Variants in RBFOX1 observed in about 807,000 individuals in gnomAD.
RBFOX1 encodes the protein RNA binding fox-1 homolog 1, also known as RNA binding protein fox-1 homolog 1.
A neutral mutation model predicts 57.7 loss-of-function variants in RBFOX1; 8 were observed. The ratio of observed to expected loss-of-function variants is 0.14; its 90% CI spans 0.08 to 0.25. RBFOX1 has a LOEUF of 0.25. Ranked by LOEUF, RBFOX1 falls within the 10% of genes least tolerant of loss-of-function variation. The pLI, the probability that RBFOX1 is intolerant of heterozygous loss-of-function variation, is 1.00. For synonymous variants in RBFOX1, 326 were observed against 222.4 expected, an observed-to-expected ratio of 1.47 and a Z score of -4.15; for missense variants, 611 against 548.5, an observed-to-expected ratio of 1.11 and a Z score of -1.14.
chr16:7,266,324 C>T (rs755573704), intron 4 of RBFOX1, among the ~76,000 whole-genome samples: 1 of 152,098 alleles, frequency 6.6e-6, no homozygotes, highest in Non-Finnish European at 1.5e-5. Flanking sequence ...CCCACGCTCT[C>T]GCCCTCTTGC....
intron 4 of RBFOX1, among the ~76,000 whole-genome samples, chr16:5,899,883 G>A (rs975861739): frequency 6.6e-6 from 1 of 152,142 alleles, no homozygotes; most frequent in Non-Finnish European, 1.5e-5. Context: ...AGACTAGCCT[G>A]GGCAACATGG....
chr16:6,671,092 C>A (rs2098761848), intron 3 of RBFOX1, among the ~76,000 whole-genome samples: 1 of 152,168 alleles, frequency 6.6e-6, no homozygotes, highest in Non-Finnish European at 1.5e-5. Flanking sequence ...GTATGAACAA[C>A]CAGATAATTA....
chr16:5,330,359 C>T (rs982958806), intron 1 of RBFOX1, among the ~76,000 whole-genome samples: 4 of 151,726 alleles, frequency 2.6e-5, no homozygotes, highest in East Asian at 3.9e-4. Flanking sequence ...TTGGTTTATC[C>T]CCTCTTGCTT....
At chr16:6,141,207 C>T (rs1455667521) in intron 1 of RBFOX1, among the ~76,000 whole-genome samples, 1 of 152,228 alleles carries the variant, frequency 6.6e-6, no homozygotes, top group East Asian at 1.9e-4. Flanking sequence ...GCTTTTGGAG[C>T]ACCTTCTAAA....
chr16:7,227,355 C>G (rs907886956), intron 4 of RBFOX1, among the ~76,000 whole-genome samples: 2 of 149,532 alleles, frequency 1.3e-5, no homozygotes, highest in African/African-American at 4.9e-5. Context: ...TTCCCTGCCC[C>G]CTCTCACTTA....
chr16:5,341,043 G>T (rs1013725058), intron 1 of RBFOX1, among the ~76,000 whole-genome samples: 1 of 152,172 alleles, frequency 6.6e-6, no homozygotes, highest in Non-Finnish European at 1.5e-5. Context: ...CTAGGAAGAA[G>T]AGTATTCTAG....
At chr16:5,799,741 A>G (rs1194008416) in intron 3 of RBFOX1, among the ~76,000 whole-genome samples, 4 of 152,146 alleles carry the variant, frequency 2.6e-5, no homozygotes, top group Non-Finnish European at 4.4e-5. Context: ...AATATTTTCA[A>G]CATACAAGGG....
intron 3 of RBFOX1, among the ~76,000 whole-genome samples, chr16:6,834,045 G>A (rs980457658): frequency 6.9e-6 from 1 of 144,496 alleles, no homozygotes; most frequent in Non-Finnish European, 1.5e-5. Flanking sequence ...GGGGGTACCT[G>A]ATCCAATAAA....
intron 14 of RBFOX1, among the ~76,000 whole-genome samples, chr16:7,688,221 ATGTGTGTGTG>A (rs3029191): frequency 0.24 from 28,880 of 120,892 alleles, 3,749 homozygotes; most frequent in East Asian, 0.4. Context: ...GCAGGTTTAA[ATGTGTGTGTG>A]TGTGTGTGTG....
intron 4 of RBFOX1, among the ~76,000 whole-genome samples, chr16:7,227,065 C>G (rs2093170382): frequency 6.6e-6 from 1 of 152,144 alleles, no homozygotes; most frequent in African/African-American, 2.4e-5. Flanking sequence ...TTTCCCCCAG[C>G]ATTCTTACCT....
At chr16:6,655,728 C>T (rs550148216) in intron 3 of RBFOX1, among the ~76,000 whole-genome samples, 1 of 152,254 alleles carries the variant, frequency 6.6e-6, no homozygotes, top group South Asian at 2.1e-4. Context: ...AGAGTACATA[C>T]CTCCTGGCTA....
At chr16:6,528,201 C>G (rs1429131906) in intron 2 of RBFOX1, among the ~76,000 whole-genome samples, 1 of 152,160 alleles carries the variant, frequency 6.6e-6, no homozygotes, top group Non-Finnish European at 1.5e-5. Flanking sequence ...AATTGCCCTG[C>G]TCATAGTAGT....
chr16:5,508,692 G>A (rs553663013), intron 2 of RBFOX1, among the ~76,000 whole-genome samples: 3 of 152,048 alleles, frequency 2.0e-5, no homozygotes, highest in South Asian at 2.1e-4. Flanking sequence ...TGCACAGAGC[G>A]ATTGCACAGA....
chr16:6,359,296 AT>A (rs955228748), intron 2 of RBFOX1, among the ~76,000 whole-genome samples: 23 of 151,842 alleles, frequency 1.5e-4, no homozygotes, highest in African/African-American at 5.3e-4. Context: ...GTTTCACCAT[AT>A]TGGCCAGGCT....
intron 3 of RBFOX1, among the ~76,000 whole-genome samples, chr16:7,041,709 C>G (rs2046245650): frequency 6.6e-6 from 1 of 152,138 alleles, no homozygotes; most frequent in Non-Finnish European, 1.5e-5. Context: ...ATTAATTTAG[C>G]CAAATTCACA....
At chr16:5,246,637 C>T (rs1025438248) in intron 1 of RBFOX1, among the ~76,000 whole-genome samples, 2 of 152,044 alleles carry the variant, frequency 1.3e-5, no homozygotes, top group Non-Finnish European at 2.9e-5. Flanking sequence ...TCATTCTACT[C>T]TGCTTCTATG....
intron 3 of RBFOX1, among the ~76,000 whole-genome samples, chr16:6,843,789 C>G (rs1370585525): frequency 6.6e-6 from 1 of 152,168 alleles, no homozygotes; most frequent in Admixed American, 6.6e-5. Context: ...CTATTCTGTT[C>G]CATGCCAAAA....
At chr16:6,864,525 A>C (rs1438796505) in intron 3 of RBFOX1, among the ~76,000 whole-genome samples, 2 of 150,928 alleles carry the variant, frequency 1.3e-5, no homozygotes, top group African/African-American at 2.4e-5. Flanking sequence ...TTAGTTTTAA[A>C]CCCCCCTATT....
At chr16:6,250,864 G>A (rs1311673007) in intron 1 of RBFOX1, among the ~76,000 whole-genome samples, 2 of 152,116 alleles carry the variant, frequency 1.3e-5, no homozygotes, top group Admixed American at 6.6e-5. Context: ...AAGTGAGAGT[G>A]GTTTTTGGAT....
Sources: allele counts gnomAD v4.1 joint callset (sites outside exome capture counted in the v4.1 genomes callset), GRCh38; gene constraint gnomAD v4.1.1; transcripts MANE v1.5; gene names NCBI Gene and HGNC (gene_info 2026-07-23, HGNC 2026-07-21).